The following HTR2C variants were observed in gnomAD, a reference collection of about 807,000 sequenced individuals.
The protein encoded by HTR2C is 5-hydroxytryptamine receptor 2C.
Under a neutral mutation model 21.0 loss-of-function variants are expected in HTR2C, and 5 were observed. That is an observed-to-expected ratio of 0.24 (90% CI 0.12 to 0.50). The LOEUF (loss-of-function observed/expected upper bound fraction) is 0.50. Ranked by LOEUF, HTR2C falls within the 20% of genes least tolerant of loss-of-function variation. The probability of loss-of-function intolerance (pLI) is 0.98; values close to 1 mark genes in which losing one functional copy is unlikely to be tolerated. For synonymous variants in HTR2C, 150 were observed against 145.3 expected (o/e 1.03, Z -0.23); for missense variants, 271 against 371.2 (o/e 0.73, Z 2.22).
intron 4 of HTR2C, among the ~76,000 whole-genome samples, chrX:114,785,607 T>TC (rs1444155445): frequency 1.8e-5 from 2 of 111,329 alleles, no homozygotes; most frequent in African/African-American, 3.3e-5. Flanking sequence ...ATCAGGCCAC[T>TC]CCCTCATACT....
intron 2 of HTR2C, among the ~76,000 whole-genome samples, chrX:114,644,910 A>G (rs975724869): frequency 9.0e-6 from 1 of 111,020 alleles, no homozygotes; most frequent in African/African-American, 3.3e-5. Context: ...GCCCAGACAT[A>G]CAATGAAAAG....
chrX:114,783,386 T>A (rs2070139633), intron 4 of HTR2C, among the ~76,000 whole-genome samples: 1 of 112,078 alleles, frequency 8.9e-6, no homozygotes, highest in Admixed American at 9.5e-5. Context: ...GAGACGTAGC[T>A]GTTAACTTCA....
At chrX:114,745,614 T>C (rs1454968624) in intron 4 of HTR2C, among the ~76,000 whole-genome samples, 2 of 112,210 alleles carry the variant, frequency 1.8e-5, no homozygotes, top group East Asian at 2.8e-4. Flanking sequence ...TGGAGTACTA[T>C]TTAGCCATAA....
chrX:114,772,200 C>T (rs1434068760), intron 4 of HTR2C, among the ~76,000 whole-genome samples: 1 of 111,891 alleles, frequency 8.9e-6, no homozygotes, highest in Non-Finnish European at 1.9e-5. Context: ...AAGAATTCAC[C>T]AAGGTTGCCA....
intron 2 of HTR2C, among the ~76,000 whole-genome samples, chrX:114,706,657 A>C (rs1416798496): frequency 9.5e-6 from 1 of 105,694 alleles, no homozygotes; most frequent in African/African-American, 3.4e-5. Flanking sequence ...ACATGTATAC[A>C]TATGTAACTA....
intron 2 of HTR2C, among the ~76,000 whole-genome samples, chrX:114,653,580 A>C (rs1187803647): frequency 2.7e-5 from 3 of 110,530 alleles, no homozygotes; most frequent in Non-Finnish European, 5.7e-5. Context: ...CTTGCTTCTT[A>C]CTGACTTTGC....
chrX:114,806,979 A>G (rs1029263650), intron 4 of HTR2C, among the ~76,000 whole-genome samples: 1 of 101,845 alleles, frequency 9.8e-6, no homozygotes, highest in African/African-American at 3.5e-5. Flanking sequence ...TATATACCAT[A>G]TATATACCAC....
chrX:114,824,262 A>C (rs2070660207), intron 4 of HTR2C, among the ~76,000 whole-genome samples: 1 of 111,753 alleles, frequency 8.9e-6, no homozygotes, highest in Non-Finnish European at 1.9e-5. Flanking sequence ...AGGTGATAGG[A>C]AATATCGAGA....
intron 4 of HTR2C, among the ~76,000 whole-genome samples, chrX:114,820,061 G>A (rs1316656658): frequency 9.1e-6 from 1 of 110,493 alleles, no homozygotes; most frequent in Non-Finnish European, 1.9e-5. Context: ...AACAAGGTGT[G>A]TCTGACCTTC....
chrX:114,866,426 G>A lies in HTR2C; in HGVS notation c.550+18223G>A, dbSNP rs782744182. Among the ~76,000 whole-genome samples the A allele has an allele frequency of 4.6e-5, 5 of 109,504 alleles. No individual in the cohort carries two copies. The South Asian group carries it at 1.9e-3, about 43-fold the overall frequency. ...AGGTACATGAGATGCTTTGAAACAG[G>A]CATGCGATGTGAAATAAGCACATAA... is the stretch of plus-strand genomic sequence containing the variant. On this transcript the variant is annotated intron_variant, in intron 5 of 5. Transcript: ENST00000276198.
In HTR2C at chrX:114,798,585, C is replaced by T. The variant is rs192771674; in HGVS notation, c.350-49418C>T. 1.1e-4 allele frequency among the ~76,000 whole-genome samples: 12 copies of T among 111,376 alleles called. No homozygotes were observed. The East Asian group carries it at 1.1e-3, about 11-fold the overall frequency. On this transcript the variant is annotated intron_variant, in intron 4 of 5. Coordinates refer to ENST00000276198, the MANE Select transcript of HTR2C (RefSeq NM_000868.4). The stretch of plus-strand genomic sequence containing the variant: ...GTTAGCAGAAGGCTGCATAACTTAA[C>T]GGGATTTGACTGATGTTTCAGGCCA...
At chrX:114,623,904 TTG>T (rs1280309624) in intron 2 of HTR2C, among the ~76,000 whole-genome samples, 6 of 53,274 alleles carry the variant, frequency 1.1e-4, no homozygotes, top group African/African-American at 3.1e-4. Context: ...TTTTTTGTTG[TTG>T]TTTTTTTTTT....
chrX:114,756,756 C>G (rs1030896230), intron 4 of HTR2C, among the ~76,000 whole-genome samples: 1 of 111,726 alleles, frequency 9.0e-6, no homozygotes, highest in Non-Finnish European at 1.9e-5. Context: ...GTTCTGCCAT[C>G]TTGGCTATAT....
At chrX:114,723,494 G>A (rs1248279586) in intron 2 of HTR2C, among the ~76,000 whole-genome samples, 3 of 110,511 alleles carry the variant, frequency 2.7e-5, no homozygotes, top group Non-Finnish European at 5.7e-5. Context: ...TTTTTGAAGG[G>A]TTTTTTGTGT....
At chrX:114,631,119 C>A (rs1481642074) in intron 2 of HTR2C, among the ~76,000 whole-genome samples, 5 of 111,114 alleles carry the variant, frequency 4.5e-5, no homozygotes, top group Admixed American at 9.6e-5. Flanking sequence ...TGCTGGCCAA[C>A]GTGGCGAAAC....
At chrX:114,746,759 G>A (rs1362976447) in intron 4 of HTR2C, among the ~76,000 whole-genome samples, 1 of 111,052 alleles carries the variant, frequency 9.0e-6, no homozygotes, top group Non-Finnish European at 1.9e-5. Context: ...GCTGAGGCAG[G>A]TGGATCACGA....
At chrX:114,756,557 C>T (rs1556430330) in intron 4 of HTR2C, among the ~76,000 whole-genome samples, 2 of 112,048 alleles carry the variant, frequency 1.8e-5, no homozygotes, top group Admixed American at 9.5e-5. Flanking sequence ...CAGAGAATTA[C>T]GCTAAGTGAA....
At chrX:114,703,694 A>G (rs1224413442) in intron 2 of HTR2C, among the ~76,000 whole-genome samples, 3 of 111,187 alleles carry the variant, frequency 2.7e-5, no homozygotes, top group Non-Finnish European at 5.7e-5. Flanking sequence ...AGCAGAAGGC[A>G]AGAAATAACT....
At chrX:114,852,763 TTGTGTGTGTGTGTG>T (rs58478809) in intron 5 of HTR2C, among the ~76,000 whole-genome samples, 8 of 102,791 alleles carry the variant, frequency 7.8e-5, no homozygotes, top group African/African-American at 2.9e-4. Context: ...CTAAGAATAA[TTGTGTGTGTGTGTG>T]TGTGTGTGTG....
Sources: gnomAD v4.1 joint callset for allele counts (sites outside exome capture counted in the v4.1 genomes callset) on GRCh38, gnomAD v4.1.1 for gene constraint, MANE v1.5 for transcripts, NCBI Gene and HGNC (gene_info 2026-07-23, HGNC 2026-07-21) for gene names.